FRMD4A: variants seen among roughly 807,000 people sequenced by gnomAD.
FRMD4A encodes FERM domain containing 4A, also known as FERM domain-containing protein 4A.
A neutral mutation model predicts 129.1 loss-of-function variants in FRMD4A; 29 were observed. The observed-to-expected ratio is 0.22, with a 90% CI of 0.17 to 0.31. The LOEUF is 0.31. FRMD4A is among the 10% of genes least tolerant of loss of function. FRMD4A has a pLI of 1.00. For missense variants in FRMD4A, 1,272 were observed against 1,375.8 expected, an observed-to-expected ratio of 0.92 and a Z score of 1.19; for synonymous variants, 634 against 571.6, an observed-to-expected ratio of 1.11 and a Z score of -1.56.
At chr10:14,096,336 C>T (rs779913547) in intron 2 of FRMD4A, among the ~76,000 whole-genome samples, 3 of 152,112 alleles carry the variant, frequency 2.0e-5, no homozygotes, top group African/African-American at 7.2e-5. Flanking sequence ...AAACTGTGAG[C>T]GATCAATTTC....
At chr10:13,733,985 G>A (rs2090472012) in intron 12 of FRMD4A, among the ~76,000 whole-genome samples, 1 of 152,162 alleles carries the variant, frequency 6.6e-6, no homozygotes, top group South Asian at 2.1e-4. Flanking sequence ...ATGCCCAACT[G>A]CCTACTAGTC....
chr10:14,073,690 G>A (rs371754122), intron 2 of FRMD4A, among the ~76,000 whole-genome samples: 36 of 152,116 alleles, frequency 2.4e-4, no homozygotes, highest in African/African-American at 8.5e-4. Context: ...TGAATGTGTC[G>A]TGTTCATGGG....
chr10:13,766,087 C>T (rs572970428), intron 6 of FRMD4A, among the ~76,000 whole-genome samples: 5 of 152,264 alleles, frequency 3.3e-5, no homozygotes. Context: ...ACGAAGATGT[C>T]TCTACCTGCG....
intron 3 of FRMD4A, among the ~76,000 whole-genome samples, chr10:13,833,282 G>A (rs2093818874): frequency 6.6e-6 from 1 of 152,154 alleles, no homozygotes. Context: ...AGTCTTACAT[G>A]GTGGCAGGCA....
In FRMD4A at chr10:14,110,409, C is replaced by T. The variant is rs150009728; in HGVS notation, c.45+219649G>A. On this transcript the variant is annotated intron_variant, in intron 2 of 24. Transcript: ENST00000357447. ...AAATGTGGAAACGGGGGTGCTGACA[C>T]GGACATCCCTGTCTTTGAAAACAGC... is the stretch of plus-strand genomic sequence containing the variant. Among the ~76,000 whole-genome samples the T allele has an allele frequency of 9.9e-3, 1,500 of 152,196 alleles. 34 individuals are homozygous for T. Among genetic ancestry groups the T allele is most frequent in the African/African-American group, 0.034 (1,418 of 41,506 alleles).
chr10:13,781,880 C>T (rs1158756823), intron 6 of FRMD4A, among the ~76,000 whole-genome samples: 1 of 152,090 alleles, frequency 6.6e-6, no homozygotes, highest in African/African-American at 2.4e-5. Context: ...ATGAAAAGAG[C>T]TCTTGGGTGA....
intron 2 of FRMD4A, among the ~76,000 whole-genome samples, chr10:14,110,683 T>C (rs1837853189): frequency 6.6e-6 from 1 of 151,694 alleles, no homozygotes; most frequent in Admixed American, 6.6e-5. Flanking sequence ...AAATTCCTTG[T>C]TATCTGAAAA....
chr10:13,732,928 A>T (rs2090409408), intron 12 of FRMD4A, among the ~76,000 whole-genome samples: 1 of 152,214 alleles, frequency 6.6e-6, no homozygotes, highest in African/African-American at 2.4e-5. Flanking sequence ...GGACATCAGA[A>T]TCCCTGTGGG....
chr10:13,920,507 C>A (rs569374173), intron 2 of FRMD4A, among the ~76,000 whole-genome samples: 1 of 152,282 alleles, frequency 6.6e-6, no homozygotes, highest in African/African-American at 2.4e-5. Context: ...TAGTAAGAAC[C>A]TACATTACAA....
At chr10:13,686,475 T>G (rs1034180897) in intron 15 of FRMD4A, among the ~76,000 whole-genome samples, 37 of 152,330 alleles carry the variant, frequency 2.4e-4, no homozygotes, top group African/African-American at 8.7e-4. Flanking sequence ...GAGGAAGTGC[T>G]AGCATTCAGA....
intron 2 of FRMD4A, among the ~76,000 whole-genome samples, chr10:14,121,958 C>T (rs538025739): frequency 6.6e-6 from 1 of 152,098 alleles, no homozygotes; most frequent in Non-Finnish European, 1.5e-5. Context: ...AAGGATTATG[C>T]CAAGATATGG....
chr10:13,666,011 G>A (rs578086366), intron 18 of FRMD4A, 86 bp downstream of exon 18: 27 of 780,432 alleles, frequency 3.5e-5, no homozygotes, highest in African/African-American at 1.2e-4. Context: ...TGCTCAGGTC[G>A]TGCAGGGACC....
At chr10:13,665,231 G>A (rs890784872) in intron 18 of FRMD4A, among the ~76,000 whole-genome samples, 2 of 151,880 alleles carry the variant, frequency 1.3e-5, no homozygotes, top group African/African-American at 2.4e-5. Flanking sequence ...CCATTGTTGC[G>A]TAACCGTCAC....
rs188168431 is a variant in FRMD4A, at chr10:14,143,608, G to T, written c.45+186450C>A. On this transcript the variant is annotated intron_variant, in intron 2 of 24. Coordinates refer to ENST00000357447, the MANE Select transcript of FRMD4A (RefSeq NM_018027.5). ...CTTAAGATGGTTACAATAGTTTTTTGTTGTTGTTGTTGTTGTTGTTTCTGA... is the reference window on the plus strand; with the variant it reads ...CTTAAGATGGTTACAATAGTTTTTTTTTGTTGTTGTTGTTGTTGTTTCTGA... Among the ~76,000 whole-genome samples the T allele has an allele frequency of 3.3e-3, 506 of 152,010 alleles. 3 individuals carry two copies. The highest frequency in any genetic ancestry group is 4.9e-3 in the African/African-American group (204 of 41,512).
chr10:13,826,796 A>C (rs2093707649), intron 3 of FRMD4A, among the ~76,000 whole-genome samples: 2 of 152,190 alleles, frequency 1.3e-5, no homozygotes, highest in African/African-American at 2.4e-5. Context: ...CTAAAGAGGG[A>C]AGATCAACTC....
chr10:13,687,959 C>G (rs1447300001), intron 15 of FRMD4A, among the ~76,000 whole-genome samples: 4 of 152,174 alleles, frequency 2.6e-5, no homozygotes, highest in Non-Finnish European at 5.9e-5. Context: ...CACTTAAATA[C>G]AGGTCTACGG....
At chr10:14,047,266 G>A (rs74122446) in intron 2 of FRMD4A, among the ~76,000 whole-genome samples, 1 of 152,126 alleles carries the variant, frequency 6.6e-6, no homozygotes, top group Non-Finnish European at 1.5e-5. Context: ...AACCAAGAAG[G>A]TTACGTGGGT....
At chr10:13,786,725 G>A (rs1240607960) in intron 5 of FRMD4A, among the ~76,000 whole-genome samples, 1 of 152,190 alleles carries the variant, frequency 6.6e-6, no homozygotes, top group Admixed American at 6.5e-5. Flanking sequence ...AGAGAAAGGG[G>A]AGGCAAGGAA....
intron 2 of FRMD4A, among the ~76,000 whole-genome samples, chr10:14,072,334 T>C (rs1230145270): frequency 6.6e-6 from 1 of 152,212 alleles, no homozygotes; most frequent in African/African-American, 2.4e-5. Flanking sequence ...CAAGTGAAGA[T>C]ATTAAGAAGA....
Sources: allele counts gnomAD v4.1 joint callset (sites outside exome capture counted in the v4.1 genomes callset), GRCh38; gene constraint gnomAD v4.1.1; transcripts MANE v1.5; gene names NCBI Gene and HGNC (gene_info 2026-07-23, HGNC 2026-07-21).